The following BRD1 variants were observed in gnomAD, a reference collection of about 807,000 sequenced individuals.
BRD1 encodes the protein bromodomain containing 1.
BRD1 carries 24 observed loss-of-function variants against 107.7 expected under a neutral mutation model. The observed-to-expected ratio is 0.22, with a 90% CI of 0.16 to 0.31. The LOEUF (loss-of-function observed/expected upper bound fraction) is 0.31, where lower values mean the gene tolerates loss of function less well. BRD1 is among the 10% of genes least tolerant of loss of function. BRD1 has a pLI of 1.00. For synonymous variants in BRD1, 744 were observed against 686.1 expected (o/e 1.08, Z -1.32); for missense variants, 1,279 against 1,638.6 (o/e 0.78, Z 3.79).
chr22:49,812,849 G>A (rs905186100), intron 2 of BRD1, among the ~76,000 whole-genome samples: 6 of 149,706 alleles, frequency 4.0e-5, no homozygotes, highest in African/African-American at 9.9e-5. Context: ...CGCCAGGACC[G>A]TTCTGGAGAC....
At chr22:49,784,562 T>C (rs1044814032) in intron 8 of BRD1, among the ~76,000 whole-genome samples, 1 of 152,188 alleles carries the variant, frequency 6.6e-6, no homozygotes, top group Non-Finnish European at 1.5e-5. Context: ...GTGCGTCGCC[T>C]CAGGACCAGC....
chr22:49,824,816 A>C lies in BRD1; in HGVS notation c.-14-485T>G. The C allele has an allele frequency of 9.9e-7, 1 of 1,005,672 alleles. No individual in the cohort carries two copies. 62.3% of individuals were successfully genotyped at this position (1,005,672 alleles called of 1,614,324 possible). A position where few individuals can be genotyped will look rare whatever the true frequency, so the allele number is the denominator to read the frequency against. ...TGGTCCTATCGGATGCTCCCCCTAA[A>C]CCACTCTTCCCCTCCCCACTACTCC... is the stretch of plus-strand genomic sequence containing the variant. On this transcript the variant is annotated intron_variant, in intron 1 of 12. Coordinates refer to ENST00000404760, the MANE Select transcript of BRD1 (RefSeq NM_001304808.3). This position sits in a 1 kb window ranked among gnomAD's most constrained non-coding sequence, Gnocchi z 5.9.
chr22:49,803,143 G>A lies in BRD1; in HGVS notation c.1524+1061C>T, dbSNP rs2059672930. ...CTGCCAGACCAGAGCACCAGACTCT[G>A]TAGTTCCCTGGAGCACAAGGCAGCC... On this transcript the variant is annotated intron_variant, in intron 3 of 12. Coordinates refer to ENST00000404760, the MANE Select transcript of BRD1 (RefSeq NM_001304808.3). The surrounding 1 kb of genome is among the most constrained non-coding windows in gnomAD (Gnocchi z 4.4). Among the ~76,000 whole-genome samples the A allele has an allele frequency of 2.0e-5, 3 of 152,240 alleles. No individual in the cohort carries two copies. The highest frequency in any genetic ancestry group is 2.0e-4 in the Admixed American group (3 of 15,286).
intron 2 of BRD1, among the ~76,000 whole-genome samples, chr22:49,821,460 G>T (rs2060064443): frequency 6.6e-6 from 1 of 152,242 alleles, no homozygotes; most frequent in Non-Finnish European, 1.5e-5. Flanking sequence ...TTTTGACAGG[G>T]TTTTCCCTGG....
At chr22:49,796,087 TTG>T (rs1459057105) in intron 6 of BRD1, among the ~76,000 whole-genome samples, 1 of 140,692 alleles carries the variant, frequency 7.1e-6, no homozygotes. Flanking sequence ...TATATTTCCA[TTG>T]TGTTTTCTTT....
At chr22:49,808,786 C>G (rs549659289) in intron 2 of BRD1, among the ~76,000 whole-genome samples, 1 of 152,278 alleles carries the variant, frequency 6.6e-6, no homozygotes, top group East Asian at 1.9e-4. Context: ...AAAATGCCCC[C>G]GACTCCAAAA....
At chr22:49,790,441 GCCTCTCAGAC>G (rs2059412985) in intron 7 of BRD1, among the ~76,000 whole-genome samples, 1 of 152,190 alleles carries the variant, frequency 6.6e-6, no homozygotes, top group African/African-American at 2.4e-5. Context: ...TCGGGCATAA[GCCTCTCAGAC>G]CCCGTCAATG....
At chr22:49,818,780 G>A (rs139835304) in intron 2 of BRD1, among the ~76,000 whole-genome samples, 2 of 152,070 alleles carry the variant, frequency 1.3e-5, no homozygotes, top group East Asian at 1.9e-4. Context: ...CAGCTACTCA[G>A]GAGGCTGAGG....
rs188315851 is a variant in BRD1, at chr22:49,775,800, C to T, written c.3232-55G>A. On this transcript the variant is annotated intron_variant, in intron 11 of 12. Transcript: ENST00000404760. ...GTGAGGCTCACACCCATAAACAACCCCACCTGTCACTGGCACCCCCCCCCG... is the reference window on the plus strand; with the variant it reads ...GTGAGGCTCACACCCATAAACAACCTCACCTGTCACTGGCACCCCCCCCCG... 1.2e-4 allele frequency: 186 copies of T among 1,488,660 alleles called. No homozygotes were observed. In the African/African-American group the frequency reaches 2.7e-3, roughly 22 times the overall value. The allele number at this position is 1,488,660 out of a possible 1,614,324, so 92.2% of individuals were successfully genotyped here.
In BRD1 at chr22:49,775,663, A is replaced by G. The variant is rs540795646; in HGVS notation, c.3314T>C (p.Ile1105Thr). The G allele has an allele frequency of 3.2e-5, 51 of 1,613,614 alleles. No homozygotes were observed. The highest frequency in any genetic ancestry group is 4.1e-5 in the Non-Finnish European group (48 of 1,179,832). The change falls in exon 12 of 13, where the codon ATT becomes ACT. Residue 1105 changes from isoleucine to threonine, a missense_variant. This residue lies in a region of BRD1 where 136 missense variants were observed against 196.8 expected (regional missense o/e 0.69). Coordinates refer to ENST00000404760, the MANE Select transcript of BRD1 (RefSeq NM_001304808.3). ...AGACTTGGTCTGCATGTGCTCCCCA[A>G]TCTTCAGCACGTCCAGGGGTGGGGC... ...IPAPPLDVLK[I>T]GEHMQTKSDE...
Position 49,794,094 on chromosome 22 carries a change from G to T in BRD1, c.2299C>A (p.Pro767Thr), listed in dbSNP as rs764258071. The T allele has an allele frequency of 6.2e-7, 1 of 1,614,222 alleles. No homozygotes were observed. The highest frequency in any genetic ancestry group is 8.5e-7 in the Non-Finnish European group (1 of 1,180,052). ...QQHSQPLPTG[P>T]GLEGFEEDGA... ...TCCTCTTCGAAGCCTTCCAAGCCTG[G>T]CCCCGTGGGCAGGGGCTGGCTGTGC... The change falls in exon 7 of 13, where the codon CCA becomes ACA. Residue 767 changes from proline (P) to threonine (T), a missense_variant. Coordinates refer to ENST00000404760, the MANE Select transcript of BRD1 (RefSeq NM_001304808.3).
chr22:49,825,691 G>C (rs980535327), intron 1 of BRD1: 2 of 152,256 alleles, frequency 1.3e-5, no homozygotes, highest in Non-Finnish European at 2.9e-5. Context: ...GCCTGGCCTC[G>C]GGGCCCAGGG....
At chr22:49,775,515 G>A in intron 12 of BRD1, 76 bp downstream of exon 12, 7 of 1,269,182 alleles carry the variant, frequency 5.5e-6, no homozygotes, top group Non-Finnish European at 7.1e-6. Flanking sequence ...GCTCACCACA[G>A]GGACACTCAG....
chr22:49,827,206 TC>T (rs1273427231), intron 1 of BRD1, among the ~76,000 whole-genome samples: 15 of 148,288 alleles, frequency 1.0e-4, no homozygotes, highest in Non-Finnish European at 1.8e-4. Context: ...ACAGCCCGAC[TC>T]GGCCTCCCTC....
intron 8 of BRD1, among the ~76,000 whole-genome samples, chr22:49,784,173 C>CACAT (rs1406613680): frequency 2.7e-5 from 4 of 149,906 alleles, no homozygotes; most frequent in African/African-American, 9.9e-5. Flanking sequence ...CAAGCCCCAG[C>CACAT]ACATGCACAC....
chr22:49,793,167 C>G (rs940363014), intron 7 of BRD1, among the ~76,000 whole-genome samples: 2 of 152,166 alleles, frequency 1.3e-5, no homozygotes, highest in Non-Finnish European at 2.9e-5. Context: ...TGCAGAGACA[C>G]ACGGCAAAAC....
chr22:49,825,921 T>A (rs1325390377), intron 1 of BRD1: 3 of 152,216 alleles, frequency 2.0e-5, no homozygotes, highest in African/African-American at 7.2e-5. Context: ...CAGAAAGGAA[T>A]AGGAGAGAAA....
In BRD1 at chr22:49,793,653, A is replaced by G. The variant is rs917541674; in HGVS notation, c.2359+381T>C. Among the ~76,000 whole-genome samples, 21 of 152,354 alleles carry G rather than the reference A, an allele frequency of 1.4e-4. 1 individual carries two copies. The South Asian group carries it at 1.7e-3, about 12-fold the overall frequency. On this transcript the variant is annotated intron_variant, in intron 7 of 12. Coordinates refer to ENST00000404760, the MANE Select transcript of BRD1 (RefSeq NM_001304808.3). ...CAATTAAATGGCTCCCCGCCAATTTACAAAATGCAACAAAAACATTTCTCA... is the reference window on the plus strand; with the variant it reads ...CAATTAAATGGCTCCCCGCCAATTTGCAAAATGCAACAAAAACATTTCTCA...
rs186939134 is a variant in BRD1 at position 49,795,202 on chromosome 22, A to T, written c.2099-908T>A. Among the ~76,000 whole-genome samples, 233 of 152,356 alleles carry T rather than the reference A, an allele frequency of 1.5e-3. 1 individual carries two copies. Among genetic ancestry groups the T allele is most frequent in the Middle Eastern group, 0.01 (3 of 294 alleles). ...ATACTCAAAAATGTTCATACAAAAAAACATATCCTTTGAAACCCCAAGAAG... is the reference window on the plus strand; with the variant it reads ...ATACTCAAAAATGTTCATACAAAAATACATATCCTTTGAAACCCCAAGAAG... On this transcript the variant is annotated intron_variant, in intron 6 of 12. Transcript: ENST00000404760.
Sources: allele counts gnomAD v4.1 joint callset (sites outside exome capture counted in the v4.1 genomes callset), GRCh38; gene constraint gnomAD v4.1.1; regional missense constraint gnomAD v4.1.1; non-coding constraint Gnocchi (gnomAD v3.1); transcripts MANE v1.5; gene names NCBI Gene and HGNC (gene_info 2026-07-23, HGNC 2026-07-21).